ZNF722: variants seen among roughly 807,000 people sequenced by gnomAD.
ZNF722 encodes zinc finger protein 722, also known as zinc finger protein 479 pseudogene.
chr7:64,003,044 G>T, the ZNF722 span, among the ~76,000 whole-genome samples: 2 of 152,178 alleles, frequency 1.3e-5, no homozygotes, highest in African/African-American at 4.8e-5. Context: ...ATCACATTGC[G>T]AAAAGCAGGG....
the ZNF722 span, among the ~76,000 whole-genome samples, chr7:64,000,116 T>G: frequency 1.3e-5 from 1 of 77,380 alleles, no homozygotes; most frequent in Non-Finnish European, 3.0e-5. Context: ...TGCTTTTCCC[T>G]TACTTTTTTT....
At chr7:64,004,426 A>AAAAAAAAAAAAATATATATATT in the ZNF722 span, among the ~76,000 whole-genome samples, 1 of 47,652 alleles carries the variant, frequency 2.1e-5, no homozygotes, top group South Asian at 6.5e-4. Flanking sequence ...AAAAAAAAAA[A>AAAAAAAAAAAAATATATATATT]TATATATATA....
the ZNF722 span, among the ~76,000 whole-genome samples, chr7:64,009,610 T>G: frequency 2.6e-5 from 4 of 152,194 alleles, no homozygotes; most frequent in Non-Finnish European, 2.9e-5. Flanking sequence ...TCGTGGTGGA[T>G]AAGCTTTTTG....
chr7:64,016,321 A>G, the ZNF722 span, among the ~76,000 whole-genome samples: 5 of 152,168 alleles, frequency 3.3e-5, no homozygotes, highest in Admixed American at 2.0e-4. Context: ...CATTTTTAGT[A>G]GAGATGGAGT....
chr7:64,002,006 C>T, the ZNF722 span, among the ~76,000 whole-genome samples: 1 of 152,044 alleles, frequency 6.6e-6, no homozygotes, highest in African/African-American at 2.4e-5. Flanking sequence ...GCCTCAGCCT[C>T]TCGAGTAGCT....
At chr7:64,015,315 C>A in the ZNF722 span, 1 of 1,318,178 alleles carries the variant, frequency 7.6e-7, no homozygotes, top group Non-Finnish European at 1.1e-6. Flanking sequence ...TGGAAAGAAA[C>A]ATTTCAAATG....
the ZNF722 span, among the ~76,000 whole-genome samples, chr7:64,014,368 T>G: frequency 6.6e-6 from 1 of 152,060 alleles, no homozygotes; most frequent in Non-Finnish European, 1.5e-5. Flanking sequence ...AAATTTTGAT[T>G]TTTTTGATTG....
At chr7:63,999,194 G>T in the ZNF722 span, among the ~76,000 whole-genome samples, 1 of 152,154 alleles carries the variant, frequency 6.6e-6, no homozygotes, top group Non-Finnish European at 1.5e-5. Flanking sequence ...GACCCTGGGA[G>T]TTCTGTCTTT....
At chr7:64,005,685 A>G in the ZNF722 span, 3 of 1,554,908 alleles carry the variant, frequency 1.9e-6, no homozygotes, top group Admixed American at 3.4e-5. Context: ...TGTGCTCAGC[A>G]GAATTTATAT....
chr7:64,003,145 T>A, the ZNF722 span, among the ~76,000 whole-genome samples: 1 of 152,206 alleles, frequency 6.6e-6, no homozygotes, highest in Non-Finnish European at 1.5e-5. Context: ...AAGGCTGCAC[T>A]GCCTGCCCTG....
chr7:64,010,551 T>C, the ZNF722 span, among the ~76,000 whole-genome samples: 1 of 152,128 alleles, frequency 6.6e-6, no homozygotes, highest in African/African-American at 2.4e-5. Flanking sequence ...AGTTGAGCGG[T>C]TTTGAGTGAG....
At chr7:64,013,890 C>T in the ZNF722 span, among the ~76,000 whole-genome samples, 1 of 151,758 alleles carries the variant, frequency 6.6e-6, no homozygotes, top group African/African-American at 2.4e-5. Context: ...TTTTGTAGTA[C>T]ATTTTTGCTG....
the ZNF722 span, chr7:64,015,291 G>A: frequency 7.2e-6 from 9 of 1,257,914 alleles, no homozygotes; most frequent in Non-Finnish European, 1.0e-5. Context: ...CAATAGACAT[G>A]AAACAAGATA....
chr7:64,005,616 T>C, the ZNF722 span: 2 of 1,151,754 alleles, frequency 1.7e-6, no homozygotes, highest in Non-Finnish European at 1.3e-6. Context: ...TTTCAGAGAC[T>C]GTTGACATTC....
the ZNF722 span, among the ~76,000 whole-genome samples, chr7:64,016,571 T>C: frequency 2.6e-5 from 4 of 152,174 alleles, no homozygotes; most frequent in African/African-American, 9.7e-5. Context: ...ACCCTTATTA[T>C]ACATAAGAGA....
chr7:64,014,982 T>C, the ZNF722 span: 2 of 1,214,044 alleles, frequency 1.6e-6, no homozygotes, highest in South Asian at 2.8e-5. Flanking sequence ...AGTATATTCA[T>C]CTGAGTCTAG....
At chr7:64,008,108 A>G in the ZNF722 span, among the ~76,000 whole-genome samples, 4 of 152,056 alleles carry the variant, frequency 2.6e-5, no homozygotes, top group Non-Finnish European at 5.9e-5. Context: ...TTTTCTTGCA[A>G]ATTTGTTTAA....
chr7:64,004,425 A>AAAAAAT, the ZNF722 span, among the ~76,000 whole-genome samples: 1,407 of 61,054 alleles, frequency 0.023, 53 homozygotes, highest in Middle Eastern at 0.032. Flanking sequence ...AAAAAAAAAA[A>AAAAAAT]ATATATATAT....
chr7:64,012,498 T>G, the ZNF722 span, among the ~76,000 whole-genome samples: 3 of 152,182 alleles, frequency 2.0e-5, no homozygotes, highest in Non-Finnish European at 4.4e-5. Flanking sequence ...GCTATTCCTT[T>G]CTGTTTGTTA....
Sources: gnomAD v4.1 joint callset for allele counts (sites outside exome capture counted in the v4.1 genomes callset) on GRCh38, gnomAD v4.1.1 for gene constraint, MANE v1.5 for transcripts, NCBI Gene and HGNC (gene_info 2026-07-23, HGNC 2026-07-21) for gene names.